Variants in TFG observed in about 807,000 individuals in gnomAD.
TFG encodes the protein trafficking from ER to golgi regulator.
In TFG, 22 loss-of-function variants were observed where a neutral mutation model predicts 51.4. That is an observed-to-expected ratio of 0.43 (90% CI 0.31 to 0.61). TFG has a LOEUF of 0.61. Among genes scored for constraint, TFG ranks in the 20% least tolerant of loss-of-function variants. The probability of loss-of-function intolerance (pLI) is 0.12; values close to 1 mark genes in which losing one functional copy is unlikely to be tolerated. For missense variants in TFG, 419 were observed against 487.7 expected (o/e 0.86, Z 1.33); for synonymous variants, 187 against 165.6 (o/e 1.13, Z -0.99).
intron 2 of TFG, among the ~76,000 whole-genome samples, chr3:100,717,416 GGTTT>G (rs1438014260): frequency 3.9e-5 from 6 of 152,136 alleles, no homozygotes; most frequent in Non-Finnish European, 5.9e-5. Flanking sequence ...CAAATTTTAT[GGTTT>G]GTTTTTAAAT....
At chr3:100,714,451 G>T (rs1455671598) in intron 2 of TFG, among the ~76,000 whole-genome samples, 1 of 151,548 alleles carries the variant, frequency 6.6e-6, no homozygotes, top group Admixed American at 6.6e-5. Flanking sequence ...ATTGAGCCAA[G>T]ATCGTGCCAC....
intron 2 of TFG, among the ~76,000 whole-genome samples, chr3:100,718,712 C>T (rs2095053127): frequency 6.6e-6 from 1 of 151,984 alleles, no homozygotes; most frequent in African/African-American, 2.4e-5. Context: ...CACACACCAC[C>T]ACACTCGGCT....
intron 6 of TFG, among the ~76,000 whole-genome samples, chr3:100,739,145 A>G (rs1290153656): frequency 1.3e-5 from 2 of 152,174 alleles, no homozygotes; most frequent in Non-Finnish European, 2.9e-5. Flanking sequence ...AGTCTTTGAC[A>G]TTGTCAGTTA....
chr3:100,723,759 T>C (rs1429606926), intron 3 of TFG, among the ~76,000 whole-genome samples: 1 of 151,800 alleles, frequency 6.6e-6, no homozygotes, highest in Non-Finnish European at 1.5e-5. Context: ...TTTACAATTA[T>C]GGGAGAGCCG....
Position 100,713,850 on chromosome 3 carries a change from A to G in TFG, c.165A>G (p.Thr55=). 6.4e-7 allele frequency: 1 copy of G among 1,560,750 alleles called. No individual in the cohort carries two copies. The highest frequency in any genetic ancestry group is 8.7e-7 in the Non-Finnish European group (1 of 1,143,258). The part of the protein sequence containing the change: ...RGKLLSNDEV[T]IKYKDEDGDL... ...AACTTCTGAGTAATGATGAAGTAAC[A>G]ATAAAGTATAAAGATGAAGGTAAGA... Residue 55 remains threonine, a synonymous_variant, in exon 2 of 8, where the codon ACA becomes ACG. Transcript: ENST00000240851.
chr3:100,710,225 G>C (rs1050920352), intron 1 of TFG: 2 of 152,236 alleles, frequency 1.3e-5, no homozygotes, highest in African/African-American at 4.8e-5. Context: ...TCAAGCGCCG[G>C]CTGGAGGCCC....
In TFG at chr3:100,748,361, T is replaced by C; in HGVS notation, c.1033T>C (p.Ser345Pro). 6.2e-7 allele frequency: 1 copy of C among 1,614,098 alleles called. No homozygotes were observed. Among genetic ancestry groups the C allele is most frequent in the Non-Finnish European group, 8.5e-7 (1 of 1,179,996 alleles). ...TACTAATTATACTGTGGCTCCTGCC[T>C]CTCAACCTGGAATGGCTCCAAGCCA... The part of the protein sequence containing the change: ...QPTNYTVAPA[S>P]QPGMAPSQPG... The change falls in exon 8 of 8, where the codon TCT (serine) becomes CCT (proline). Residue 345 changes from serine to proline, a missense_variant. By Grantham distance (74) the Ser-to-Pro change is moderately conservative. Around this residue, in one of 3 missense-constraint regions of TFG, gnomAD observed 391 missense variants for 434.4 expected, o/e 0.90. Coordinates refer to ENST00000240851, the MANE Select transcript of TFG (RefSeq NM_006070.6).
intron 4 of TFG, among the ~76,000 whole-genome samples, chr3:100,730,263 T>C (rs546154171): frequency 6.6e-6 from 1 of 152,206 alleles, no homozygotes; most frequent in Non-Finnish European, 1.5e-5. Flanking sequence ...GGAATGGATT[T>C]ATGAGTTTTT....
At chr3:100,740,904 T>C (rs1279196642) in intron 6 of TFG, among the ~76,000 whole-genome samples, 3 of 152,194 alleles carry the variant, frequency 2.0e-5, no homozygotes, top group African/African-American at 7.2e-5. Context: ...ACTGCATATA[T>C]GATGGTGGTC....
At chr3:100,728,956 A>G (rs966265319) in intron 4 of TFG, 98 bp downstream of exon 4, 12 of 1,063,912 alleles carry the variant, frequency 1.1e-5, no homozygotes, top group Middle Eastern at 2.2e-4. Flanking sequence ...GGCATCCCCA[A>G]TGTCACTCTT....
chr3:100,722,060 A>G (rs1314019155), intron 3 of TFG, among the ~76,000 whole-genome samples: 1 of 152,176 alleles, frequency 6.6e-6, no homozygotes, highest in African/African-American at 2.4e-5. Context: ...CTGAGGCAGG[A>G]GAATTGCTTG....
At position 100,720,078 on chromosome 3, in the gene TFG, A is replaced by G. The variant is rs755835566; in HGVS notation, c.268+20A>G. On this transcript the variant is annotated intron_variant, in intron 3 of 7. Coordinates refer to ENST00000240851, the MANE Select transcript of TFG (RefSeq NM_006070.6). The stretch of plus-strand genomic sequence containing the variant: ...TATTTGGTGAGTAGTAAACTTTCTA[A>G]TGAATTTACTATTTTATTCATTGTA... The G allele has an allele frequency of 7.1e-7, 1 of 1,410,404 alleles. No individual in the cohort carries two copies. The allele number at this position is 1,410,404 out of a possible 1,614,324, so 87.4% of individuals were successfully genotyped here.
intron 6 of TFG, chr3:100,742,379 A>C (rs2095123674): frequency 6.6e-6 from 1 of 152,342 alleles, no homozygotes; most frequent in South Asian, 2.1e-4. Context: ...AAAGACTAAA[A>C]ACAAATGTGA....
In TFG at chr3:100,718,385, G is replaced by A. The variant is rs556691702; in HGVS notation, c.185-1590G>A. Among the ~76,000 whole-genome samples, 163 of 152,106 alleles carry A rather than the reference G, an allele frequency of 1.1e-3. 1 individual carries two copies. Among genetic ancestry groups the A allele is most frequent in the African/African-American group, 3.8e-3 (158 of 41,490 alleles). ...TATTGTAGCTTTGTGGGTCACATAA[G>A]GCCTCTGTCTCATCTTTTTTTTACA... On this transcript the variant is annotated intron_variant, in intron 2 of 7. Transcript: ENST00000240851.
At chr3:100,726,695 GT>G in intron 3 of TFG, among the ~76,000 whole-genome samples, 1 of 152,240 alleles carries the variant, frequency 6.6e-6, no homozygotes, top group South Asian at 2.1e-4. Flanking sequence ...ATGAAGTTGG[GT>G]TTACTGACTT....
chr3:100,734,085 G>A (rs2095099508), intron 5 of TFG, among the ~76,000 whole-genome samples: 1 of 149,536 alleles, frequency 6.7e-6, no homozygotes, highest in Non-Finnish European at 1.5e-5. Context: ...TTGCAAAGTT[G>A]TGATGGCCTT....
At chr3:100,740,881 C>T (rs889148800) in intron 6 of TFG, among the ~76,000 whole-genome samples, 6 of 152,038 alleles carry the variant, frequency 3.9e-5, no homozygotes, top group Non-Finnish European at 7.4e-5. Context: ...TATAACATTT[C>T]AGTCAACAGT....
At chr3:100,721,270 T>C (rs1267715840) in intron 3 of TFG, among the ~76,000 whole-genome samples, 5 of 151,946 alleles carry the variant, frequency 3.3e-5, no homozygotes, top group Non-Finnish European at 2.9e-5. Flanking sequence ...AAGGGAAATA[T>C]CCAGGGAACA....
intron 7 of TFG, 138 bp from the exon 8 acceptor site, chr3:100,748,011 G>T: frequency 1.3e-6 from 1 of 763,414 alleles, no homozygotes; most frequent in South Asian, 1.9e-5. Flanking sequence ...TTATGTGATG[G>T]AATCTACCAC....
Sources: allele counts gnomAD v4.1 joint callset (sites outside exome capture counted in the v4.1 genomes callset), GRCh38; gene constraint gnomAD v4.1.1; regional missense constraint gnomAD v4.1.1; transcripts MANE v1.5; gene names NCBI Gene and HGNC (gene_info 2026-07-23, HGNC 2026-07-21).